The following ULBP1 variants were observed in gnomAD, a reference collection of about 807,000 sequenced individuals.
ULBP1 encodes UL16 binding protein 1, also known as UL16-binding protein 1.
ULBP1 carries 28 observed loss-of-function variants against 25.3 expected under a neutral mutation model. The ratio of observed to expected loss-of-function variants is 1.10; its 90% CI spans 0.82 to 1.51. The LOEUF is 1.51. Ranked by LOEUF, ULBP1 falls within the 40% of genes most tolerant of loss-of-function variation. The pLI is 0.00. For missense variants in ULBP1, 348 were observed against 290.9 expected (o/e 1.20, Z -1.43); for synonymous variants, 129 against 103.0 (o/e 1.25, Z -1.53).
At position 149,964,000 on chromosome 6, in the gene ULBP1, C is replaced by A. The variant is rs375953441; in HGVS notation, c.-50C>A. The A allele has an allele frequency of 7.6e-6, 12 of 1,588,624 alleles. No individual in the cohort carries two copies. The highest frequency in any genetic ancestry group is 2.7e-5 in the African/African-American group (2 of 74,048). On this transcript the variant is annotated 5_prime_UTR_variant, in exon 1 of 5. Coordinates refer to ENST00000229708, the MANE Select transcript of ULBP1 (RefSeq NM_025218.4). The stretch of plus-strand genomic sequence containing the variant: ...GCTTTATAAACAGCCGTGGTGTGAG[C>A]CTCGAAGGGAACCATCAGCGCCTCC...
Position 149,973,619 on chromosome 6 carries a change from T to C in ULBP1, c.*2273T>C, listed in dbSNP as rs1779358323. The C allele has an allele frequency of 6.6e-6, 1 of 152,218 alleles. No individual in the cohort carries two copies. Among genetic ancestry groups the C allele is most frequent in the African/African-American group, 2.4e-5 (1 of 41,468 alleles). The allele number at this position is 152,218 out of a possible 1,614,324, so 9.4% of individuals were successfully genotyped here. A position where few individuals can be genotyped will look rare whatever the true frequency, so the allele number is the denominator to read the frequency against. On this transcript the variant is annotated 3_prime_UTR_variant, in exon 5 of 5. Coordinates refer to ENST00000229708, the MANE Select transcript of ULBP1 (RefSeq NM_025218.4). ...TTTAAGATAATCATAAGTTGTATGA[T>C]GATAATTGTATAAAAATTTGTATGA... is the stretch of plus-strand genomic sequence containing the variant.
chr6:149,970,249 C>A, intron 4 of ULBP1, 102 bp downstream of exon 4: 1 of 1,452,014 alleles, frequency 6.9e-7, no homozygotes, highest in Non-Finnish European at 9.2e-7. Context: ...AACTTCTCAT[C>A]CTGACATTAG....
intron 1 of ULBP1, among the ~76,000 whole-genome samples, chr6:149,968,277 GTCC>G (rs898004316): frequency 4.6e-5 from 7 of 152,134 alleles, no homozygotes; most frequent in Admixed American, 3.3e-4. Context: ...GCTGCTGAGG[GTCC>G]TCCTCATCCA....
In ULBP1 at chr6:149,972,640, G is replaced by A. The variant is rs1226850207; in HGVS notation, c.*1294G>A. 1.3e-5 allele frequency: 2 copies of A among 152,064 alleles called. No homozygotes were observed. Among genetic ancestry groups the A allele is most frequent in the East Asian group, 1.9e-4 (1 of 5,194 alleles). 9.4% of individuals were successfully genotyped at this position (152,064 alleles called of 1,614,324 possible). On this transcript the variant is annotated 3_prime_UTR_variant, in exon 5 of 5. Coordinates refer to ENST00000229708, the MANE Select transcript of ULBP1 (RefSeq NM_025218.4). ...AAGGTCCAATATCCAGAATCTACAA[G>A]GAACTTAAACAATTCAACAAGCAAG...
At position 149,968,778 on chromosome 6, in the gene ULBP1, C is replaced by A; in HGVS notation, c.257C>A (p.Thr86Asn). 1 of 1,614,146 alleles carries A rather than the reference C, an allele frequency of 6.2e-7. No individual in the cohort carries two copies. Among genetic ancestry groups the A allele is most frequent in the Non-Finnish European group, 8.5e-7 (1 of 1,180,000 alleles). The change falls in exon 2 of 5, where the codon ACC (threonine) becomes AAC (asparagine). Residue 86 changes from threonine (T) to asparagine (N), a missense_variant. Thr to Asn is a moderately conservative substitution (Grantham distance 65). Transcript: ENST00000229708. ...GGGAAGAAAGTCAATGTCACAAAAA[C>A]CTGGGAAGAACAAACTGAAACACTA... ...SLGKKVNVTK[T>N]WEEQTETLRD... is the part of the protein sequence containing the mutation.
At position 149,970,067 on chromosome 6, in the gene ULBP1, C is replaced by A. The variant is rs757004363; in HGVS notation, c.677C>A (p.Thr226Asn). The change falls in exon 4 of 5, where the codon ACC (threonine) becomes AAC (asparagine). Residue 226 changes from threonine to asparagine, a missense_variant. Thr to Asn is a moderately conservative substitution (Grantham distance 65). Transcript: ENST00000229708. The part of the protein sequence containing the change: ...GTTQPKAMAT[T>N]LSPWSLLIIF... ...ACCCAACCCAAGGCCATGGCCACCA[C>A]CCTCAGTCCCTGGAGCCTTCTCATC... 8 of 1,613,522 alleles carry A rather than the reference C, an allele frequency of 5.0e-6. No homozygotes were observed. Among genetic ancestry groups the A allele is most frequent in the South Asian group, 2.2e-5 (2 of 90,822 alleles).
intron 3 of ULBP1, 142 bp downstream of exon 3, chr6:149,969,502 A>G: frequency 8.7e-7 from 1 of 1,153,380 alleles, no homozygotes; most frequent in Non-Finnish European, 1.2e-6. Context: ...GGGTCCTGGC[A>G]TGCCTGTGCT....
chr6:149,965,797 C>A (rs528577589), intron 1 of ULBP1, among the ~76,000 whole-genome samples: 3 of 152,092 alleles, frequency 2.0e-5, no homozygotes, highest in Non-Finnish European at 4.4e-5. Context: ...CCACCCAGGT[C>A]GCATCCTTTC....
At position 149,969,114 on chromosome 6, in the gene ULBP1, T is replaced by C; in HGVS notation, c.379T>C (p.Cys127Arg). 1.2e-6 allele frequency: 2 copies of C among 1,614,236 alleles called. No individual in the cohort carries two copies. The highest frequency in any genetic ancestry group is 2.2e-5 in the East Asian group (1 of 44,888). The change falls in exon 3 of 5, where the codon TGT (cysteine) becomes CGT (arginine). Residue 127 changes from cysteine to arginine, a missense_variant. Coordinates refer to ENST00000229708, the MANE Select transcript of ULBP1 (RefSeq NM_025218.4). ...EPLTLQARMS[C>R]EHEAHGHGRG... ...CCTCACCCTGCAGGCCAGGATGTCT[T>C]GTGAGCATGAAGCCCATGGACACGG...
chr6:149,970,331 C>A (rs1008492115), intron 4 of ULBP1, among the ~76,000 whole-genome samples, 184 bp downstream of exon 4: 2 of 150,666 alleles, frequency 1.3e-5, no homozygotes, highest in African/African-American at 4.8e-5. Flanking sequence ...CTGATGGATT[C>A]TAACTGTCAG....
intron 1 of ULBP1, among the ~76,000 whole-genome samples, chr6:149,964,529 C>A (rs559974006): frequency 1.7e-4 from 25 of 149,660 alleles, no homozygotes; most frequent in Non-Finnish European, 2.1e-4. Flanking sequence ...ACATCGCGGC[C>A]TCTCCGAACA....
Position 149,969,553 on chromosome 6 carries a change from C to T in ULBP1, c.625+193C>T, listed in dbSNP as rs1779272787. On this transcript the variant is annotated intron_variant, in intron 3 of 4. Transcript: ENST00000229708. The stretch of plus-strand genomic sequence containing the variant: ...CCCTTCTTCCCCCTGACTCCTCTTC[C>T]TCACTGCACCTGCTTCTGCTCTACC... Among the ~76,000 whole-genome samples the T allele has an allele frequency of 2.0e-5, 3 of 152,218 alleles. 1 individual carries two copies. Among genetic ancestry groups the T allele is most frequent in the East Asian group, 3.9e-4 (2 of 5,156 alleles).
intron 4 of ULBP1, among the ~76,000 whole-genome samples, chr6:149,970,658 C>T (rs1204748283): frequency 2.0e-5 from 3 of 152,190 alleles, no homozygotes; most frequent in South Asian, 2.1e-4. Context: ...GAAAGCAGCT[C>T]GGGTCCCAGC....
In ULBP1 at chr6:149,970,137, T is replaced by C; in HGVS notation, c.*12T>C. ...TAGCTGGCAGATGAGGAGAGTTGTT[T>C]AGAGTGACAGGTACTGTGGGCAATA... On this transcript the variant is annotated 3_prime_UTR_variant, in exon 4 of 5. Coordinates refer to ENST00000229708, the MANE Select transcript of ULBP1 (RefSeq NM_025218.4). 6.3e-7 allele frequency: 1 copy of C among 1,594,452 alleles called. No individual in the cohort carries two copies.
At position 149,964,101 on chromosome 6, in the gene ULBP1, C is replaced by T. The variant is rs759516433; in HGVS notation, c.52C>T (p.Leu18=). ...CCTTCTGTGCCTCCCGCTTCTGCACCTGCTGTCTGGCTGGTCCCGGGCAGG... is the reference window on the plus strand; with the variant it reads ...CCTTCTGTGCCTCCCGCTTCTGCACTTGCTGTCTGGCTGGTCCCGGGCAGG... ...AFLLCLPLLH[L]LSGWSRAGWV... is the part of the protein sequence containing the mutation. The change falls in exon 1 of 5, where the codon CTG becomes TTG. Residue 18 remains leucine (L), a synonymous_variant. Transcript: ENST00000229708. 3 of 1,614,100 alleles carry T rather than the reference C, an allele frequency of 1.9e-6. No individual in the cohort carries two copies. The highest frequency in any genetic ancestry group is 2.2e-5 in the East Asian group (1 of 44,898).
rs755193780 is a variant in ULBP1, at chr6:149,969,197, C to G, written c.462C>G (p.Asn154Lys). The change falls in exon 3 of 5, where the codon AAC becomes AAG. Residue 154 changes from asparagine (N) to lysine (K), a missense_variant. By Grantham distance (94) the Asn-to-Lys change is moderately conservative. Coordinates refer to ENST00000229708, the MANE Select transcript of ULBP1 (RefSeq NM_025218.4). ...AGAAGTTCCTCCTCTTTGACTCAAA[C>G]AACAGAAAGTGGACAGCACTTCATC... ...NGQKFLLFDS[N>K]NRKWTALHPG... 10 of 1,614,254 alleles carry G rather than the reference C, an allele frequency of 6.2e-6. No individual in the cohort carries two copies. The South Asian group carries it at 1.1e-4, about 18-fold the overall frequency.
In ULBP1 at chr6:149,968,661, C is replaced by A. The variant is rs1394399456; in HGVS notation, c.140C>A (p.Pro47Gln). The change falls in exon 2 of 5, where the codon CCA becomes CAA. Residue 47 changes from proline to glutamine, a missense_variant. Physicochemically the swap from Pro to Gln is moderately conservative, Grantham distance 76. Coordinates refer to ENST00000229708, the MANE Select transcript of ULBP1 (RefSeq NM_025218.4). The stretch of plus-strand genomic sequence containing the variant: ...ATCACTCCTAAGTCCAGACCTGAAC[C>A]ACAGTGGTGTGAAGTTCAAGGCCTG... The part of the protein sequence containing the change: ...FIITPKSRPE[P>Q]QWCEVQGLVD... 2 of 1,614,040 alleles carry A rather than the reference C, an allele frequency of 1.2e-6. No individual in the cohort carries two copies. The highest frequency in any genetic ancestry group is 1.7e-6 in the Non-Finnish European group (2 of 1,179,910).
intron 4 of ULBP1, among the ~76,000 whole-genome samples, chr6:149,971,140 A>T (rs749837767): frequency 1.3e-5 from 2 of 152,154 alleles, no homozygotes; most frequent in Non-Finnish European, 2.9e-5. Flanking sequence ...TACCAGCCTC[A>T]GTTGTGAGCC....
Position 149,972,920 on chromosome 6 carries a change from A to T in ULBP1, c.*1574A>T, listed in dbSNP as rs1437924450. On this transcript the variant is annotated 3_prime_UTR_variant, in exon 5 of 5. Coordinates refer to ENST00000229708, the MANE Select transcript of ULBP1 (RefSeq NM_025218.4). ...AGCCACTATGGAAAGCAGTTTGGAG[A>T]TTTCTCCAAGAACTTAAAATAGAAC... 6.6e-6 allele frequency: 1 copy of T among 152,192 alleles called. No homozygotes were observed. The highest frequency in any genetic ancestry group is 1.5e-5 in the Non-Finnish European group (1 of 68,032). The allele number at this position is 152,192 out of a possible 1,614,324, so 9.4% of individuals were successfully genotyped here. A position where few individuals can be genotyped will look rare whatever the true frequency, so the allele number is the denominator to read the frequency against.
Sources: gnomAD v4.1 joint callset for allele counts (sites outside exome capture counted in the v4.1 genomes callset) on GRCh38, gnomAD v4.1.1 for gene constraint, MANE v1.5 for transcripts, NCBI Gene and HGNC (gene_info 2026-07-23, HGNC 2026-07-21) for gene names.